Variants in ERC2 observed in about 807,000 individuals in gnomAD.
ERC2 encodes ELKS/RAB6-interacting/CAST family member 2, also known as ERC protein 2.
Under a neutral mutation model 114.8 loss-of-function variants are expected in ERC2, and 42 were observed. The ratio of observed to expected loss-of-function variants is 0.37; its 90% CI spans 0.29 to 0.47. The LOEUF is 0.47. ERC2 is among the 20% of genes least tolerant of loss of function. The pLI, the probability that ERC2 is intolerant of heterozygous loss-of-function variation, is 0.99. For synonymous variants in ERC2, 454 were observed against 425.5 expected, an observed-to-expected ratio of 1.07 and a Z score of -0.82; for missense variants, 939 against 1,150.7, an observed-to-expected ratio of 0.82 and a Z score of 2.66.
At position 55,801,660 on chromosome 3, in the gene ERC2, C is replaced by T. The variant is rs76421962; in HGVS notation, c.2565-66742G>A. 6.2e-3 allele frequency among the ~76,000 whole-genome samples: 946 copies of T among 152,316 alleles called. 7 individuals carry two copies. The highest frequency in any genetic ancestry group is 0.022 in the African/African-American group (900 of 41,560). On this transcript the variant is annotated intron_variant, in intron 14 of 17. Coordinates refer to ENST00000288221, the MANE Select transcript of ERC2 (RefSeq NM_015576.3). The stretch of plus-strand genomic sequence containing the variant: ...CTAATATTTCTGGAAGAAAGAGGTT[C>T]TCGAAGTGAGCACAGGAGCATCACC...
intron 3 of ERC2, among the ~76,000 whole-genome samples, chr3:56,219,185 A>C (rs1300100791): frequency 6.6e-6 from 1 of 152,186 alleles, no homozygotes; most frequent in Non-Finnish European, 1.5e-5. Flanking sequence ...TACCGTGTAC[A>C]CTGCTTGGGT....
chr3:55,617,814 G>C (rs1030994009), intron 17 of ERC2, among the ~76,000 whole-genome samples: 3 of 152,324 alleles, frequency 2.0e-5, no homozygotes, highest in Non-Finnish European at 2.9e-5. Flanking sequence ...CCAGTTAATT[G>C]AGCTTCATTT....
At chr3:56,068,890 C>T (rs9845858) in intron 7 of ERC2, among the ~76,000 whole-genome samples, 2,984 of 152,258 alleles carry the variant, frequency 0.02, 82 homozygotes, top group African/African-American at 0.052. Flanking sequence ...AATTTGGTTG[C>T]ACTGTGGTCT....
intron 13 of ERC2, among the ~76,000 whole-genome samples, chr3:55,902,780 C>A (rs1261798703): frequency 6.6e-6 from 1 of 152,154 alleles, no homozygotes; most frequent in African/African-American, 2.4e-5. Flanking sequence ...CTCCTAGGAC[C>A]AGTTACTCTG....
chr3:55,675,745 T>C (rs1021005297), intron 17 of ERC2, among the ~76,000 whole-genome samples: 5 of 152,232 alleles, frequency 3.3e-5, no homozygotes, highest in African/African-American at 9.6e-5. Context: ...CACATTTGCA[T>C]GTTCTAGAGC....
At chr3:55,910,236 C>CA (rs201187659) in intron 13 of ERC2, among the ~76,000 whole-genome samples, 1,892 of 151,306 alleles carry the variant, frequency 0.013, 38 homozygotes, top group African/African-American at 0.042. Context: ...CTAAAAAATA[C>CA]AAAAAAAATA....
intron 2 of ERC2, among the ~76,000 whole-genome samples, chr3:56,433,486 G>A (rs1279769189): frequency 1.3e-5 from 2 of 152,216 alleles, no homozygotes; most frequent in Non-Finnish European, 2.9e-5. Flanking sequence ...TTGGGTGTGT[G>A]CAGGAATTAC....
intron 17 of ERC2, among the ~76,000 whole-genome samples, chr3:55,588,927 C>T (rs570228140): frequency 6.6e-6 from 1 of 152,044 alleles, no homozygotes; most frequent in South Asian, 2.1e-4. Flanking sequence ...TGGGGCATTT[C>T]GGAGGACCAT....
chr3:56,437,771 A>T (rs537896911), intron 1 of ERC2, among the ~76,000 whole-genome samples: 15 of 152,388 alleles, frequency 9.8e-5, no homozygotes, highest in African/African-American at 3.1e-4. Flanking sequence ...ATTCGGTGAC[A>T]TAAATGATAA....
chr3:56,327,163 T>A (rs1431977763), intron 2 of ERC2, among the ~76,000 whole-genome samples: 1 of 152,122 alleles, frequency 6.6e-6, no homozygotes, highest in Non-Finnish European at 1.5e-5. Flanking sequence ...CAAGACTGGG[T>A]AATTTATAAA....
chr3:55,830,516 A>T, intron 14 of ERC2, among the ~76,000 whole-genome samples: 1 of 152,246 alleles, frequency 6.6e-6, no homozygotes, highest in East Asian at 1.9e-4. Flanking sequence ...TATATAATAC[A>T]TTTGACAAAT....
intron 5 of ERC2, among the ~76,000 whole-genome samples, chr3:56,144,605 G>A (rs1199178825): frequency 3.3e-5 from 5 of 152,224 alleles, no homozygotes; most frequent in African/African-American, 1.2e-4. Context: ...AAATGAAAAG[G>A]AAATCAACTG....
chr3:55,898,555 G>A (rs961971677), intron 13 of ERC2, among the ~76,000 whole-genome samples: 1 of 152,020 alleles, frequency 6.6e-6, no homozygotes, highest in Non-Finnish European at 1.5e-5. Flanking sequence ...TGCACCTTCC[G>A]GAGACCTTGT....
intron 2 of ERC2, among the ~76,000 whole-genome samples, chr3:56,370,113 A>G (rs1191722684): frequency 6.6e-6 from 1 of 152,194 alleles, no homozygotes; most frequent in Admixed American, 6.5e-5. Context: ...GCTGTATGTC[A>G]ACTCCAAAAT....
At chr3:55,751,948 A>G (rs2066731322) in intron 14 of ERC2, among the ~76,000 whole-genome samples, 1 of 152,210 alleles carries the variant, frequency 6.6e-6, no homozygotes, top group Admixed American at 6.5e-5. Context: ...ACTTGAATAA[A>G]CTGAGGAAAA....
At chr3:56,100,409 A>G (rs1247495483) in intron 6 of ERC2, among the ~76,000 whole-genome samples, 1 of 152,182 alleles carries the variant, frequency 6.6e-6, no homozygotes, top group Non-Finnish European at 1.5e-5. Flanking sequence ...TCCAAGGCAC[A>G]GTGGTAGACC....
At chr3:56,161,908 T>C (rs2082069281) in intron 4 of ERC2, among the ~76,000 whole-genome samples, 1 of 152,118 alleles carries the variant, frequency 6.6e-6, no homozygotes. Flanking sequence ...TGGCTAGCAC[T>C]TCCAGTACTA....
intron 15 of ERC2, among the ~76,000 whole-genome samples, chr3:55,705,749 C>T (rs1320890943): frequency 3.9e-5 from 6 of 152,182 alleles, no homozygotes; most frequent in Non-Finnish European, 5.9e-5. Context: ...GACTCTCCCT[C>T]CCAACTTTGT....
chr3:55,970,844 G>A (rs970711906), intron 12 of ERC2, among the ~76,000 whole-genome samples: 3 of 152,108 alleles, frequency 2.0e-5, no homozygotes, highest in South Asian at 4.1e-4. Flanking sequence ...CAGATATACA[G>A]CCATGAGAAG....
Sources: gnomAD v4.1 joint callset for allele counts (sites outside exome capture counted in the v4.1 genomes callset) on GRCh38, gnomAD v4.1.1 for gene constraint, MANE v1.5 for transcripts, NCBI Gene and HGNC (gene_info 2026-07-23, HGNC 2026-07-21) for gene names.